SYNJ1: variants seen among roughly 807,000 people sequenced by gnomAD.
SYNJ1 encodes polyphosphatidylinositol phosphatase SYNJ1.
SYNJ1 carries 78 observed loss-of-function variants against 168.2 expected under a neutral mutation model. The observed-to-expected ratio is 0.46, with a 90% CI of 0.39 to 0.56. The LOEUF is 0.56. Ranked by LOEUF, SYNJ1 falls within the 20% of genes least tolerant of loss-of-function variation. The probability of loss-of-function intolerance (pLI) is 0.00; values close to 1 mark genes in which losing one functional copy is unlikely to be tolerated. For missense variants in SYNJ1, 1,303 were observed against 1,597.6 expected, an observed-to-expected ratio of 0.82 and a Z score of 3.14; for synonymous variants, 539 against 548.6, an observed-to-expected ratio of 0.98 and a Z score of 0.24.
intron 18 of SYNJ1, among the ~76,000 whole-genome samples, chr21:32,663,160 C>T (rs192856895): frequency 3.8e-4 from 58 of 152,160 alleles, no homozygotes; most frequent in African/African-American, 1.3e-3. Context: ...ACGAGAAGCC[C>T]GAGAATTAGT....
chr21:32,705,542 A>G (rs1191369218), intron 2 of SYNJ1, among the ~76,000 whole-genome samples: 1 of 152,242 alleles, frequency 6.6e-6, no homozygotes, highest in African/African-American at 2.4e-5. Flanking sequence ...AATCCAGGAC[A>G]ATTTGAGCAT....
chr21:32,715,320 A>T (rs922847988), intron 2 of SYNJ1, among the ~76,000 whole-genome samples: 7 of 152,126 alleles, frequency 4.6e-5, no homozygotes, highest in Non-Finnish European at 7.4e-5. Context: ...AAAGAGATAC[A>T]AAAATCAGCT....
intron 18 of SYNJ1, among the ~76,000 whole-genome samples, chr21:32,659,863 C>T (rs898708747): frequency 3.3e-5 from 5 of 152,160 alleles, no homozygotes; most frequent in South Asian, 2.1e-4. Flanking sequence ...AGGTGATTAA[C>T]GGATGGTCAA....
intron 22 of SYNJ1, among the ~76,000 whole-genome samples, chr21:32,651,627 A>G (rs1429912045): frequency 1.3e-5 from 2 of 152,250 alleles, no homozygotes; most frequent in Admixed American, 6.5e-5. Flanking sequence ...TTAAATACCT[A>G]TCACCATAAT....
In SYNJ1 at chr21:32,688,297, TTG is replaced by T; in HGVS notation, c.851+7_851+8del. The T allele has an allele frequency of 6.2e-7, 1 of 1,612,010 alleles. No homozygotes were observed. Among genetic ancestry groups the T allele is most frequent in the Non-Finnish European group, 8.5e-7 (1 of 1,178,970 alleles). On this transcript the variant is annotated splice_region_variant and intron_variant, in intron 7 of 32. Transcript: ENST00000674351. ...CAAAACTTAAAGCACTATGTAAAAA[TTG>T]TCTTACCTGTCAAAAGCAGGTGCAT...
intron 31 of SYNJ1, among the ~76,000 whole-genome samples, chr21:32,637,142 G>T (rs1264884167): frequency 6.6e-6 from 1 of 152,034 alleles, no homozygotes; most frequent in Non-Finnish European, 1.5e-5. Flanking sequence ...TTGGTCTAAG[G>T]ACACTTAAAC....
At chr21:32,720,416 G>A (rs1485244166) in intron 2 of SYNJ1, among the ~76,000 whole-genome samples, 1 of 152,012 alleles carries the variant, frequency 6.6e-6, no homozygotes, top group African/African-American at 2.4e-5. Context: ...GAAAAGAGAG[G>A]ATATTTCATA....
At chr21:32,673,561 A>G in intron 13 of SYNJ1, 30 bp from the exon 14 acceptor site, 1 of 1,546,102 alleles carries the variant, frequency 6.5e-7, no homozygotes, top group Non-Finnish European at 8.7e-7. Flanking sequence ...ATAGAATTTT[A>G]GCTGCATCAA....
intron 18 of SYNJ1, among the ~76,000 whole-genome samples, chr21:32,661,652 G>T (rs573197895): frequency 6.6e-6 from 1 of 152,096 alleles, no homozygotes; most frequent in African/African-American, 2.4e-5. Flanking sequence ...AAGGTGGAGC[G>T]AATGAATCAG....
At chr21:32,639,817 A>G (rs780677017) in intron 29 of SYNJ1, 38 bp from the exon 30 acceptor site, 2 of 1,535,898 alleles carry the variant, frequency 1.3e-6, no homozygotes, top group Non-Finnish European at 9.0e-7. Context: ...ACATTTACTT[A>G]CCTTCCACAG....
Position 32,699,880 on chromosome 21 carries a change from T to C in SYNJ1, c.437A>G (p.His146Arg), listed in dbSNP as rs2042338087. The C allele has an allele frequency of 2.5e-6, 4 of 1,614,004 alleles. No individual in the cohort carries two copies. The highest frequency in any genetic ancestry group is 2.2e-5 in the East Asian group (1 of 44,896). ...GISLDLSLNA[H>R]RSMQEQTTDN... ...AGTTGTCTGTTCTTGCATGCTACGATGCGCATTAAGACTCAAATCTAAACT... is the reference window on the plus strand; with the variant it reads ...AGTTGTCTGTTCTTGCATGCTACGACGCGCATTAAGACTCAAATCTAAACT... The change falls in exon 4 of 33, where the codon CAT becomes CGT. Residue 146 changes from histidine (H) to arginine (R), a missense_variant. By Grantham distance (29) the His-to-Arg change is conservative. Coordinates refer to ENST00000674351, the MANE Select transcript of SYNJ1 (RefSeq NM_203446.3).
At chr21:32,654,861 G>GT (rs1374391356) in intron 21 of SYNJ1, among the ~76,000 whole-genome samples, 4 of 152,116 alleles carry the variant, frequency 2.6e-5, no homozygotes, top group Admixed American at 2.6e-4. Context: ...GGTTCACAGG[G>GT]TTTACTCACT....
rs551110362 is a variant in SYNJ1 at position 32,653,241 on chromosome 21, A to G, written c.2874+47T>C. The stretch of plus-strand genomic sequence containing the variant: ...TCTATAAAAATATCATACCATCTTC[A>G]GACATTTAATTTCAGAATGGTTTAG... On this transcript the variant is annotated intron_variant, in intron 22 of 32. Coordinates refer to ENST00000674351, the MANE Select transcript of SYNJ1 (RefSeq NM_203446.3). 9 of 1,434,128 alleles carry G rather than the reference A, an allele frequency of 6.3e-6. No individual in the cohort carries two copies. The East Asian group carries it at 1.8e-4, about 29-fold the overall frequency. The allele number at this position is 1,434,128 out of a possible 1,614,324, so 88.8% of individuals were successfully genotyped here.
Position 32,631,656 on chromosome 21 carries a change from C to T in SYNJ1, c.*149G>A. 2 of 1,614,176 alleles carry T rather than the reference C, an allele frequency of 1.2e-6. No homozygotes were observed. Among genetic ancestry groups the T allele is most frequent in the Non-Finnish European group, 1.7e-6 (2 of 1,180,034 alleles). Reference sequence around the variant, plus strand: ...CGTTGCAGAAGGCAACTGAATCAACCTCTTTGGGTCTGGGGTGGGAACAGG... The same window carrying T: ...CGTTGCAGAAGGCAACTGAATCAACTTCTTTGGGTCTGGGGTGGGAACAGG... On this transcript the variant is annotated 3_prime_UTR_variant, in exon 33 of 33. Transcript: ENST00000674351.
In SYNJ1 at chr21:32,712,527, T is replaced by C. The variant is rs142779936; in HGVS notation, c.125-10480A>G. 2.3e-3 allele frequency among the ~76,000 whole-genome samples: 355 copies of C among 152,090 alleles called. 2 individuals carry two copies. The highest frequency in any genetic ancestry group is 7.5e-3 in the African/African-American group (311 of 41,504). ...TTAATGTCCTATTTAAACTTCACATTCCAATCTTGGTGACATTTAAGGAAA... is the reference window on the plus strand; with the variant it reads ...TTAATGTCCTATTTAAACTTCACATCCCAATCTTGGTGACATTTAAGGAAA... On this transcript the variant is annotated intron_variant, in intron 2 of 32. Coordinates refer to ENST00000674351, the MANE Select transcript of SYNJ1 (RefSeq NM_203446.3).
intron 27 of SYNJ1, among the ~76,000 whole-genome samples, chr21:32,642,538 T>C (rs910570296): frequency 2.0e-5 from 3 of 152,246 alleles, no homozygotes; most frequent in African/African-American, 7.2e-5. Flanking sequence ...CAGACAGGAC[T>C]GCATTTGTCA....
At chr21:32,722,234 T>C (rs973247834) in intron 2 of SYNJ1, among the ~76,000 whole-genome samples, 3 of 138,750 alleles carry the variant, frequency 2.2e-5, no homozygotes, top group South Asian at 2.3e-4. Context: ...ATATATATAA[T>C]GTATGCATGT....
At chr21:32,702,583 C>T (rs2042445730) in intron 2 of SYNJ1, among the ~76,000 whole-genome samples, 1 of 152,064 alleles carries the variant, frequency 6.6e-6, no homozygotes, top group African/African-American at 2.4e-5. Context: ...AAGAAAAAAC[C>T]TTCCTAGCAC....
chr21:32,703,409 A>G (rs1308001933), intron 2 of SYNJ1, among the ~76,000 whole-genome samples: 1 of 152,230 alleles, frequency 6.6e-6, no homozygotes, highest in African/African-American at 2.4e-5. Flanking sequence ...CAAGCAACCC[A>G]AATGTAAAAC....
Sources: allele counts gnomAD v4.1 joint callset (sites outside exome capture counted in the v4.1 genomes callset), GRCh38; gene constraint gnomAD v4.1.1; transcripts MANE v1.5; gene names NCBI Gene and HGNC (gene_info 2026-07-23, HGNC 2026-07-21).